ARHGEF6: variants seen among roughly 807,000 people sequenced by gnomAD.
The protein encoded by ARHGEF6 is Rac/Cdc42 guanine nucleotide exchange factor 6.
ARHGEF6 carries 9 observed loss-of-function variants against 70.3 expected under a neutral mutation model. The observed-to-expected ratio is 0.13, with a 90% CI of 0.08 to 0.22. The LOEUF (loss-of-function observed/expected upper bound fraction) is 0.22. ARHGEF6 is among the 10% of genes least tolerant of loss of function. The pLI is 1.00. For synonymous variants in ARHGEF6, 201 were observed against 207.8 expected (o/e 0.97, Z 0.28); for missense variants, 470 against 563.0 (o/e 0.83, Z 1.67).
At chrX:136,736,280 G>A (rs961788416) in intron 5 of ARHGEF6, among the ~76,000 whole-genome samples, 4 of 111,652 alleles carry the variant, frequency 3.6e-5, no homozygotes, top group African/African-American at 6.5e-5. Flanking sequence ...CAAAGAGAAC[G>A]GAAAATTGTA....
At chrX:136,716,204 G>A (rs1196733138) in intron 6 of ARHGEF6, among the ~76,000 whole-genome samples, 1 of 112,994 alleles carries the variant, frequency 8.9e-6, no homozygotes, top group African/African-American at 3.2e-5. Flanking sequence ...GCCTCCCAAA[G>A]TGCTGGGATT....
rs888039078 is a variant in ARHGEF6 at position 136,756,520 on chromosome X, C to T, written c.250-8928G>A. 4.5e-5 allele frequency among the ~76,000 whole-genome samples: 5 copies of T among 111,780 alleles called. No homozygotes were observed. The Admixed American group carries it at 4.7e-4, about 11-fold the overall frequency. On this transcript the variant is annotated intron_variant, in intron 2 of 21. Transcript: ENST00000250617. ...AATAAATGGCAAACACTACAAGCCA[C>T]CCTCCCCTGTTCATGCCTATGCTCT...
At chrX:136,741,715 T>C (rs2148658258) in intron 5 of ARHGEF6, among the ~76,000 whole-genome samples, 1 of 111,533 alleles carries the variant, frequency 9.0e-6, no homozygotes, top group Admixed American at 9.5e-5. Flanking sequence ...ATTTATGTAT[T>C]GAAATCATTC....
chrX:136,712,007 A>C (rs1306892630), intron 7 of ARHGEF6, among the ~76,000 whole-genome samples: 2 of 113,035 alleles, frequency 1.8e-5, no homozygotes, highest in Non-Finnish European at 3.7e-5. Flanking sequence ...GAACAAAGGC[A>C]TTATAACTAA....
chrX:136,740,573 G>A (rs970503209), intron 5 of ARHGEF6, among the ~76,000 whole-genome samples: 16 of 111,242 alleles, frequency 1.4e-4, no homozygotes, highest in Non-Finnish European at 1.9e-5. Context: ...CTTGCCACAT[G>A]AATCCTAAGC....
chrX:136,727,333 CTTTCTTTCTTTCTT>C lies in ARHGEF6; in HGVS notation c.732+4755_732+4768del, dbSNP rs2076866896. Among the ~76,000 whole-genome samples, 14 of 32,785 alleles carry C rather than the reference CTTTCTTTCTTTCTT, an allele frequency of 4.3e-4. 1 individual carries two copies. Among genetic ancestry groups the C allele is most frequent in the African/African-American group, 1.4e-3 (14 of 10,040 alleles). The allele number at this position is 32,785 out of a possible 115,157, so 28.5% of individuals were successfully genotyped here. On this transcript the variant is annotated intron_variant, in intron 6 of 21. Coordinates refer to ENST00000250617, the MANE Select transcript of ARHGEF6 (RefSeq NM_004840.3). ...TTTCTTTCTTTCTTTCTTTTTCTTT[CTTTCTTTCTTTCTT>C]TCTTTCTTTCTTTCTTTCTTTCTTT...
Position 136,734,619 on chromosome X carries a change from T to C in ARHGEF6, c.662-2447A>G, listed in dbSNP as rs752958178. Among the ~76,000 whole-genome samples, 126 of 111,281 alleles carry C rather than the reference T, an allele frequency of 1.1e-3. 1 individual carries two copies. Among genetic ancestry groups the C allele is most frequent in the Non-Finnish European group, 2.2e-3 (116 of 52,966 alleles). On this transcript the variant is annotated intron_variant, in intron 5 of 21. Coordinates refer to ENST00000250617, the MANE Select transcript of ARHGEF6 (RefSeq NM_004840.3). Reference sequence around the variant, plus strand: ...ATTCCATATAATGTCACATAGAAAATAAAAAACATCACTTCCCAAGTCATT... The same window carrying C: ...ATTCCATATAATGTCACATAGAAAACAAAAAACATCACTTCCCAAGTCATT...
chrX:136,688,087 G>T, intron 10 of ARHGEF6, 96 bp from the exon 11 acceptor site: 1 of 648,557 alleles, frequency 1.5e-6, no homozygotes, highest in Admixed American at 2.3e-5. Context: ...CACAAAGATA[G>T]CAAGAGAATT....
At chrX:136,675,158 G>T in intron 18 of ARHGEF6, 62 bp from the exon 19 acceptor site, 1 of 975,507 alleles carries the variant, frequency 1.0e-6, no homozygotes, top group Non-Finnish European at 1.5e-6. Context: ...TCAAAATGAT[G>T]CAGCACACTC....
intron 3 of ARHGEF6, 58 bp from the exon 4 acceptor site, chrX:136,745,405 C>T (rs1296947748): frequency 6.8e-6 from 8 of 1,172,628 alleles, no homozygotes; most frequent in Non-Finnish European, 9.3e-6. Context: ...AAACATCTAC[C>T]GCATAACATT....
intron 21 of ARHGEF6, 126 bp from the exon 22 acceptor site, chrX:136,668,295 C>T: frequency 1.2e-6 from 1 of 826,227 alleles, no homozygotes; most frequent in Non-Finnish European, 1.7e-6. Context: ...CCTCCCTCAG[C>T]ATCTATGACA....
Position 136,665,861 on chromosome X carries a change from C to T in ARHGEF6, c.*2168G>A, listed in dbSNP as rs749518170. The T allele has an allele frequency of 1.8e-5, 2 of 112,526 alleles. No homozygotes were observed. The highest frequency in any genetic ancestry group is 7.5e-4 in the South Asian group (2 of 2,679). The allele number at this position is 112,526 out of a possible 1,213,427, so 9.3% of individuals were successfully genotyped here. On this transcript the variant is annotated 3_prime_UTR_variant, in exon 22 of 22. Transcript: ENST00000250617. ...GTTATCCAGAGTACCGAGGGCCCCT[C>T]ATCAGAAGGGCCAAGTCCCCGAAAC...
intron 21 of ARHGEF6, among the ~76,000 whole-genome samples, chrX:136,668,985 C>G (rs1245204804): frequency 9.0e-6 from 1 of 111,618 alleles, no homozygotes; most frequent in Non-Finnish European, 1.9e-5. Context: ...AGGACTCTGA[C>G]AGGTTTCACC....
chrX:136,671,941 C>G, intron 20 of ARHGEF6, 79 bp downstream of exon 20: 1 of 823,001 alleles, frequency 1.2e-6, no homozygotes, highest in South Asian at 2.0e-5. Context: ...ATCATAGACT[C>G]TCCAGGAGCT....
chrX:136,686,839 C>G (rs1057034124), intron 11 of ARHGEF6, among the ~76,000 whole-genome samples: 1 of 102,397 alleles, frequency 9.8e-6, no homozygotes, highest in Non-Finnish European at 2.0e-5. Context: ...GTTACTGTTT[C>G]CAAATGAATG....
At chrX:136,725,384 G>A (rs747705449) in intron 6 of ARHGEF6, among the ~76,000 whole-genome samples, 4 of 102,959 alleles carry the variant, frequency 3.9e-5, no homozygotes, top group Non-Finnish European at 5.9e-5. Flanking sequence ...AAAAAAAAAC[G>A]TGAGTAGTAA....
intron 9 of ARHGEF6, among the ~76,000 whole-genome samples, chrX:136,699,011 GAAT>G (rs1444253443): frequency 2.7e-5 from 3 of 111,425 alleles, no homozygotes; most frequent in Non-Finnish European, 5.7e-5. Context: ...AGGTCTGTTG[GAAT>G]AAGAATATAA....
intron 2 of ARHGEF6, among the ~76,000 whole-genome samples, chrX:136,749,820 T>G (rs181058473): frequency 2.7e-3 from 299 of 111,763 alleles, no homozygotes; most frequent in Non-Finnish European, 4.6e-3. Context: ...CTCTGGGAAC[T>G]GCTAGAGAAA....
At chrX:136,675,252 G>A (rs752520293) in intron 18 of ARHGEF6, among the ~76,000 whole-genome samples, 156 bp from the exon 19 acceptor site, 6 of 109,929 alleles carry the variant, frequency 5.5e-5, no homozygotes, top group Non-Finnish European at 7.6e-5. Flanking sequence ...ATGGAGAAGA[G>A]TGACAGCATC....
Sources: allele counts gnomAD v4.1 joint callset (sites outside exome capture counted in the v4.1 genomes callset), GRCh38; gene constraint gnomAD v4.1.1; transcripts MANE v1.5; gene names NCBI Gene and HGNC (gene_info 2026-07-23, HGNC 2026-07-21).